Variants in CAPN7 observed in about 807,000 individuals in gnomAD.
CAPN7 encodes calpain-7.
A neutral mutation model predicts 115.2 loss-of-function variants in CAPN7; 72 were observed. The observed-to-expected ratio is 0.63, with a 90% CI of 0.52 to 0.76. The LOEUF is 0.76. Ranked by LOEUF, CAPN7 falls within the 30% of genes least tolerant of loss-of-function variation. The pLI is 0.00. For synonymous variants in CAPN7, 344 were observed against 322.3 expected, an observed-to-expected ratio of 1.07 and a Z score of -0.72; for missense variants, 905 against 971.5, an observed-to-expected ratio of 0.93 and a Z score of 0.91.
intron 1 of CAPN7, among the ~76,000 whole-genome samples, chr3:15,208,798 C>T (rs1202549103): frequency 6.6e-6 from 1 of 152,172 alleles, no homozygotes; most frequent in Non-Finnish European, 1.5e-5. Flanking sequence ...ACTCTCTTCT[C>T]TCCAATTCTG....
chr3:15,243,339 G>GA (rs1419501488), intron 16 of CAPN7, among the ~76,000 whole-genome samples: 6 of 152,142 alleles, frequency 3.9e-5, no homozygotes, highest in Non-Finnish European at 7.4e-5. Context: ...TCATAATCAG[G>GA]AAAATGACAT....
chr3:15,224,035 G>T (rs974155322), intron 6 of CAPN7, among the ~76,000 whole-genome samples: 1 of 152,180 alleles, frequency 6.6e-6, no homozygotes, highest in Admixed American at 6.5e-5. Context: ...AGGAGTCCGA[G>T]CTTGTAGTCA....
chr3:15,227,732 C>T (rs1694411229), intron 6 of CAPN7, 107 bp from the exon 7 acceptor site: 2 of 574,486 alleles, frequency 3.5e-6, no homozygotes, highest in Non-Finnish European at 5.5e-6. Flanking sequence ...TAATACAGTA[C>T]TGCTATAATC....
chr3:15,237,828 T>C (rs922314387), intron 12 of CAPN7, among the ~76,000 whole-genome samples: 3 of 151,744 alleles, frequency 2.0e-5, no homozygotes, highest in Non-Finnish European at 2.9e-5. Flanking sequence ...TTTTAAAAAA[T>C]TAGCTGGGCA....
chr3:15,214,041 C>T (rs2045104609), intron 2 of CAPN7, among the ~76,000 whole-genome samples: 1 of 152,056 alleles, frequency 6.6e-6, no homozygotes, highest in South Asian at 2.1e-4. Context: ...CCACCACACC[C>T]AGCTGATTTT....
intron 5 of CAPN7, among the ~76,000 whole-genome samples, chr3:15,221,413 G>A (rs529368237): frequency 3.8e-4 from 54 of 143,672 alleles, no homozygotes; most frequent in Middle Eastern, 3.7e-3. Flanking sequence ...GGCTGGTCTC[G>A]AGCTCCTGAC....
chr3:15,244,641 T>C (rs1695549868), intron 16 of CAPN7, among the ~76,000 whole-genome samples: 1 of 152,222 alleles, frequency 6.6e-6, no homozygotes, highest in East Asian at 1.9e-4. Flanking sequence ...ATAAGCTAAG[T>C]GAGACCATCG....
At chr3:15,227,562 T>A (rs1694392735) in intron 6 of CAPN7, among the ~76,000 whole-genome samples, 1 of 152,160 alleles carries the variant, frequency 6.6e-6, no homozygotes, top group South Asian at 2.1e-4. Flanking sequence ...ATTTCTTGAA[T>A]ACAGTTATGC....
At chr3:15,239,554 G>GT (rs779565763) in intron 12 of CAPN7, among the ~76,000 whole-genome samples, 5 of 152,170 alleles carry the variant, frequency 3.3e-5, no homozygotes, top group Admixed American at 6.5e-5. Flanking sequence ...GACTACATTT[G>GT]TAGGAAACAG....
intron 1 of CAPN7, among the ~76,000 whole-genome samples, chr3:15,209,849 G>A (rs990562228): frequency 3.9e-5 from 6 of 152,146 alleles, no homozygotes; most frequent in Non-Finnish European, 8.8e-5. Context: ...AAAAAAAGTG[G>A]TTGTACTTCT....
At chr3:15,223,429 A>G (rs1159176810) in intron 5 of CAPN7, 46 bp from the exon 6 acceptor site, 6 of 1,187,918 alleles carry the variant, frequency 5.1e-6, no homozygotes, top group East Asian at 2.3e-5. Flanking sequence ...AAGATTGGCA[A>G]TTAAGGTAAA....
chr3:15,242,749 C>T (rs1323931947), intron 16 of CAPN7, among the ~76,000 whole-genome samples: 2 of 152,174 alleles, frequency 1.3e-5, no homozygotes, highest in Non-Finnish European at 2.9e-5. Flanking sequence ...TGCCTTATTC[C>T]TTTCTCCCTA....
chr3:15,211,416 C>T (rs746343115), intron 1 of CAPN7, among the ~76,000 whole-genome samples: 6 of 152,074 alleles, frequency 3.9e-5, no homozygotes, highest in African/African-American at 7.2e-5. Flanking sequence ...TAATCAGTTC[C>T]TTATGCGTGA....
chr3:15,233,101 G>A (rs1694787034), intron 10 of CAPN7, among the ~76,000 whole-genome samples: 1 of 152,130 alleles, frequency 6.6e-6, no homozygotes, highest in Non-Finnish European at 1.5e-5. Context: ...TAGTCAGATT[G>A]GCATGACTTT....
At chr3:15,210,232 C>T (rs902685524) in intron 1 of CAPN7, among the ~76,000 whole-genome samples, 2 of 151,908 alleles carry the variant, frequency 1.3e-5, no homozygotes, top group African/African-American at 4.8e-5. Context: ...CTCCTGGCCT[C>T]AAGCAGTCCT....
chr3:15,229,202 A>G, intron 8 of CAPN7, 143 bp downstream of exon 8: 1 of 626,262 alleles, frequency 1.6e-6, no homozygotes, highest in South Asian at 2.2e-5. Flanking sequence ...CAGATGATTT[A>G]TGAATGTGGA....
At chr3:15,223,891 A>G (rs1402912552) in intron 6 of CAPN7, among the ~76,000 whole-genome samples, 1 of 152,224 alleles carries the variant, frequency 6.6e-6, no homozygotes, top group East Asian at 1.9e-4. Flanking sequence ...TGAATGGAAA[A>G]GGGGAATGGA....
At chr3:15,228,367 T>C (rs1209562534) in intron 7 of CAPN7, among the ~76,000 whole-genome samples, 4 of 152,364 alleles carry the variant, frequency 2.6e-5, no homozygotes, top group Non-Finnish European at 4.4e-5. Flanking sequence ...AGCAGTATGG[T>C]GTTTCTATTT....
intron 6 of CAPN7, among the ~76,000 whole-genome samples, chr3:15,223,819 G>A (rs964832964): frequency 6.6e-5 from 10 of 152,144 alleles, no homozygotes; most frequent in African/African-American, 9.7e-5. Context: ...TAAGTACTCC[G>A]TAAATATTTG....
Sources: gnomAD v4.1 joint callset for allele counts (sites outside exome capture counted in the v4.1 genomes callset) on GRCh38, gnomAD v4.1.1 for gene constraint, MANE v1.5 for transcripts, NCBI Gene and HGNC (gene_info 2026-07-23, HGNC 2026-07-21) for gene names.